MSTO1: variants seen among roughly 807,000 people sequenced by gnomAD.
MSTO1 encodes the protein protein misato homolog 1.
Under a neutral mutation model 55.7 loss-of-function variants are expected in MSTO1, and 24 were observed. The ratio of observed to expected loss-of-function variants is 0.43; its 90% CI spans 0.31 to 0.61. The LOEUF (loss-of-function observed/expected upper bound fraction) is 0.61, where lower values mean the gene tolerates loss of function less well. Ranked by LOEUF, MSTO1 falls within the 20% of genes least tolerant of loss-of-function variation. The pLI is 0.09. For synonymous variants in MSTO1, 162 were observed against 252.8 expected (o/e 0.64, Z 3.41); for missense variants, 363 against 625.7 (o/e 0.58, Z 4.48).
chr1:155,580,129 C>T, the MSTO1 span, among the ~76,000 whole-genome samples: 5 of 151,004 alleles, frequency 3.3e-5, no homozygotes, highest in South Asian at 4.2e-4. Flanking sequence ...TATAGTGGCT[C>T]GCACATGTAA....
the MSTO1 span, among the ~76,000 whole-genome samples, chr1:155,593,254 T>C: frequency 6.6e-6 from 1 of 152,178 alleles, no homozygotes; most frequent in African/African-American, 2.4e-5. Context: ...CTTCACTGCA[T>C]GTCTTCAATG....
chr1:155,582,429 C>T, the MSTO1 span, among the ~76,000 whole-genome samples: 1 of 152,004 alleles, frequency 6.6e-6, no homozygotes, highest in Non-Finnish European at 1.5e-5. Context: ...GTTGATTTGG[C>T]TTGTTGATAG....
chr1:155,602,518 A>G, the MSTO1 span, among the ~76,000 whole-genome samples: 1 of 152,048 alleles, frequency 6.6e-6, no homozygotes, highest in Non-Finnish European at 1.5e-5. Context: ...ACAACAAATG[A>G]GTGCTTCCTG....
At chr1:155,597,761 T>C in the MSTO1 span, among the ~76,000 whole-genome samples, 6 of 150,346 alleles carry the variant, frequency 4.0e-5, no homozygotes, top group Admixed American at 2.7e-4. Context: ...CCACCCGCCT[T>C]GGTCTCCCAA....
At chr1:155,590,653 G>T in the MSTO1 span, 1 of 1,418,726 alleles carries the variant, frequency 7.0e-7, no homozygotes, top group Non-Finnish European at 9.6e-7. Flanking sequence ...GATGGCAGGG[G>T]CAGATGTCCA....
the MSTO1 span, among the ~76,000 whole-genome samples, chr1:155,584,691 A>AAG: frequency 7.9e-5 from 6 of 75,608 alleles, no homozygotes; most frequent in African/African-American, 9.7e-5. Flanking sequence ...AAAAAAAAAA[A>AAG]AAAGAAAGAA....
chr1:155,567,199 C>T, the MSTO1 span, among the ~76,000 whole-genome samples: 2 of 151,922 alleles, frequency 1.3e-5, no homozygotes, highest in East Asian at 1.9e-4. Flanking sequence ...TCTCAACTCA[C>T]TGCAACCTCT....
intron 11 of MSTO1, 38 bp from the exon 12 acceptor site, chr1:155,613,424 G>T: frequency 6.2e-7 from 1 of 1,612,850 alleles, no homozygotes; most frequent in Non-Finnish European, 8.5e-7. Context: ...TATTCATGCA[G>T]CCACAGACTA....
intron 8 of MSTO1, 41 bp from the exon 9 acceptor site, chr1:155,612,377 G>A: frequency 6.3e-7 from 1 of 1,587,088 alleles, no homozygotes; most frequent in Non-Finnish European, 8.6e-7. Flanking sequence ...CAGAATCCCA[G>A]TGGGAGAGCT....
chr1:155,609,078 C>G (rs994810981), upstream of MSTO1, among the ~76,000 whole-genome samples: 1 of 151,520 alleles, frequency 6.6e-6, no homozygotes, highest in African/African-American at 2.4e-5. Flanking sequence ...CCTCCTGCCT[C>G]GGCCTCCCAA....
chr1:155,612,422 C>T lies in MSTO1; in HGVS notation c.818C>T (p.Ala273Val), dbSNP rs1468006769. Reference protein sequence around the residue: ...LLPGPYHRGEAQRNIYRLLNT... With the variant: ...LLPGPYHRGEVQRNIYRLLNT... ...AAACTACTCTTTCTTCACCAGGAGG[C>T]CCAGAGAAACATCTATCGTCTATTA... The change falls in exon 9 of 14, where the codon GCC (alanine) becomes GTC (valine). Residue 273 changes from alanine (A) to valine (V), a missense_variant. This residue lies in a region of MSTO1 where 231 missense variants were observed against 286.9 expected (regional missense o/e 0.81). Transcript: ENST00000245564. 4.3e-6 allele frequency: 7 copies of T among 1,610,604 alleles called. No homozygotes were observed. The highest frequency in any genetic ancestry group is 5.1e-6 in the Non-Finnish European group (6 of 1,178,304).
chr1:155,590,503 G>A, the MSTO1 span: 1 of 565,282 alleles, frequency 1.8e-6, no homozygotes, highest in Non-Finnish European at 3.0e-6. Flanking sequence ...AAAAATAGAA[G>A]GAGGCAGAAA....
In MSTO1 at chr1:155,613,155, C is replaced by T. The variant is rs1674670864; in HGVS notation, c.1205C>T (p.Ala402Val). 6.2e-7 allele frequency: 1 copy of T among 1,613,994 alleles called. No individual in the cohort carries two copies. The highest frequency in any genetic ancestry group is 1.7e-4 in the Middle Eastern group (1 of 6,046). Reference sequence around the variant, plus strand: ...GCCACCCCATGGACCCCACTGTCTGCATGTGGGGAGCCTTCTGGAACACGT... The same window carrying T: ...GCCACCCCATGGACCCCACTGTCTGTATGTGGGGAGCCTTCTGGAACACGT... ...GGATPWTPLS[A>V]CGEPSGTRCF... is the part of the protein sequence containing the mutation. The change falls in exon 11 of 14, where the codon GCA becomes GTA. Residue 402 changes from alanine (A) to valine (V), a missense_variant. Transcript: ENST00000245564.
the MSTO1 span, among the ~76,000 whole-genome samples, chr1:155,597,877 C>T: frequency 2.0e-5 from 3 of 149,650 alleles, no homozygotes; most frequent in African/African-American, 4.9e-5. Context: ...AGTGCCGTGG[C>T]GCGATCTCGG....
At chr1:155,581,874 A>G in the MSTO1 span, among the ~76,000 whole-genome samples, 1 of 148,364 alleles carries the variant, frequency 6.7e-6, no homozygotes, top group Non-Finnish European at 1.5e-5. Flanking sequence ...GCTCACTACA[A>G]CCTCCGCATC....
chr1:155,589,069 G>A, the MSTO1 span, among the ~76,000 whole-genome samples: 3 of 152,082 alleles, frequency 2.0e-5, no homozygotes, highest in Admixed American at 6.6e-5. Flanking sequence ...AGGCCAAGGC[G>A]GACAGATCAC....
At chr1:155,589,191 G>A in the MSTO1 span, among the ~76,000 whole-genome samples, 2 of 151,960 alleles carry the variant, frequency 1.3e-5, no homozygotes, top group Non-Finnish European at 2.9e-5. Context: ...CCAGCTACTC[G>A]GGAGGCTGAG....
the MSTO1 span, among the ~76,000 whole-genome samples, chr1:155,591,846 G>T: frequency 1.3e-5 from 2 of 152,022 alleles, no homozygotes; most frequent in Non-Finnish European, 2.9e-5. Flanking sequence ...AAAAGTACCT[G>T]TAGTTTCAGC....
chr1:155,587,745 GAAAA>G, the MSTO1 span, among the ~76,000 whole-genome samples: 2 of 47,416 alleles, frequency 4.2e-5, no homozygotes, highest in Non-Finnish European at 4.3e-5. Context: ...CTCCGTCTCA[GAAAA>G]AAAAAAAAAA....
Sources: gnomAD v4.1 joint callset for allele counts (sites outside exome capture counted in the v4.1 genomes callset) on GRCh38, gnomAD v4.1.1 for gene constraint, gnomAD v4.1.1 regional missense constraint, MANE v1.5 for transcripts, NCBI Gene and HGNC (gene_info 2026-07-23, HGNC 2026-07-21) for gene names.